Variants in TIPIN observed in about 807,000 individuals in gnomAD.
The protein encoded by TIPIN is TIMELESS interacting protein.
A neutral mutation model predicts 35.6 loss-of-function variants in TIPIN; 29 were observed. That is an observed-to-expected ratio of 0.82 (90% CI 0.61 to 1.11). TIPIN has a LOEUF of 1.11. TIPIN is among the 50% of genes most tolerant of loss of function. TIPIN has a pLI of 0.00. For missense variants in TIPIN, 296 were observed against 345.4 expected (o/e 0.86, Z 1.13); for synonymous variants, 102 against 121.5 (o/e 0.84, Z 1.06).
upstream of TIPIN, chr15:66,356,772 G>A (rs2093207040): frequency 1.0e-6 from 1 of 982,158 alleles, no homozygotes; most frequent in South Asian, 4.7e-5. Flanking sequence ...GGGCTGGGCG[G>A]AGCCTGCAAA....
At chr15:66,371,752 C>A (rs8034007) in intron 1 of TIPIN, among the ~76,000 whole-genome samples, 1 of 151,828 alleles carries the variant, frequency 6.6e-6, no homozygotes, top group Non-Finnish European at 1.5e-5. Flanking sequence ...CTCCTGACTT[C>A]GTGATCCGCC....
chr15:66,385,339 C>A (rs1464415524), intron 1 of TIPIN, among the ~76,000 whole-genome samples: 1 of 152,194 alleles, frequency 6.6e-6, no homozygotes, highest in Non-Finnish European at 1.5e-5. Context: ...TTGTTCTGTA[C>A]ACCTAATGTC....
chr15:66,353,858 A>C (rs1225871549), intron 1 of TIPIN, among the ~76,000 whole-genome samples: 1 of 151,916 alleles, frequency 6.6e-6, no homozygotes, highest in Admixed American at 6.6e-5. Context: ...TTAACTTCTA[A>C]GACATGCCGG....
intron 1 of TIPIN, 57 bp from the exon 2 acceptor site, chr15:66,353,012 A>G (rs1476913624): frequency 2.7e-6 from 4 of 1,508,742 alleles, no homozygotes; most frequent in East Asian, 2.3e-5. Flanking sequence ...CACTATATAG[A>G]CAAGTTCTAC....
intron 1 of TIPIN, among the ~76,000 whole-genome samples, chr15:66,355,515 A>T (rs1212506258): frequency 6.6e-6 from 1 of 151,584 alleles, no homozygotes; most frequent in East Asian, 2.0e-4. Context: ...TATGGGAGGC[A>T]GAGGCGGACG....
intron 1 of TIPIN, chr15:66,382,804 C>T (rs2093322941): frequency 2.4e-6 from 1 of 419,994 alleles, no homozygotes; most frequent in Non-Finnish European, 3.2e-6. Context: ...TATGGTTCAA[C>T]CAAATATATA....
At chr15:66,385,754 T>C (rs1367533416) in intron 1 of TIPIN, among the ~76,000 whole-genome samples, 2 of 152,142 alleles carry the variant, frequency 1.3e-5, no homozygotes, top group Non-Finnish European at 2.9e-5. Flanking sequence ...CCCAAAGTTC[T>C]GGAATTACAG....
Position 66,341,331 on chromosome 15 carries a change from A to G in TIPIN, c.501T>C (p.His167=), listed in dbSNP as rs2093085032. The G allele has an allele frequency of 1.9e-6, 3 of 1,613,532 alleles. No homozygotes were observed. Among genetic ancestry groups the G allele is most frequent in the Non-Finnish European group, 2.5e-6 (3 of 1,179,860 alleles). The change falls in exon 7 of 8, where the codon CAT becomes CAC. Residue 167 remains histidine, a synonymous_variant. Transcript: ENST00000261881. ...GATCTAATTCAGTAGAAGTGACATCATGTTCATTATTCTCCGCAACTTCAT... is the reference window on the plus strand; with the variant it reads ...GATCTAATTCAGTAGAAGTGACATCGTGTTCATTATTCTCCGCAACTTCAT... ...NNDEVAENNE[H]DVTSTELDPF... is the part of the protein sequence containing the mutation.
upstream of TIPIN, chr15:66,356,857 A>C (rs1281751521): frequency 3.0e-6 from 1 of 330,526 alleles, no homozygotes; most frequent in Non-Finnish European, 4.3e-6. Flanking sequence ...TGAATTCTTC[A>C]GAGGAACTCA....
At chr15:66,360,884 T>G (rs1354275004), upstream of TIPIN, among the ~76,000 whole-genome samples, 1 of 152,192 alleles carries the variant, frequency 6.6e-6, no homozygotes, top group Non-Finnish European at 1.5e-5. Context: ...GAGAATCGCT[T>G]GAACCCAGGA....
At chr15:66,356,138 C>A (rs558132186) in intron 1 of TIPIN, among the ~76,000 whole-genome samples, 1 of 152,070 alleles carries the variant, frequency 6.6e-6, no homozygotes, top group East Asian at 1.9e-4. Context: ...GTTTCCAATG[C>A]CCACCTCTTT....
intron 1 of TIPIN, among the ~76,000 whole-genome samples, chr15:66,354,553 C>G (rs1329478263): frequency 6.6e-6 from 1 of 152,176 alleles, no homozygotes; most frequent in Admixed American, 6.6e-5. Flanking sequence ...TAAAGCTGAT[C>G]ACCTCACTTG....
rs866892661 is a variant in TIPIN, at chr15:66,349,204, C to T, written c.412-81G>A. ...AGATAATTTGCTATTACTTTTCCCT[C>T]TCTACCAAAAGAGATTTCAAAATGA... On this transcript the variant is annotated intron_variant, in intron 5 of 7. Coordinates refer to ENST00000261881, the MANE Select transcript of TIPIN (RefSeq NM_017858.3). The T allele has an allele frequency of 7.5e-6, 12 of 1,598,568 alleles. No individual in the cohort carries two copies. The Middle Eastern group carries it at 8.9e-4, about 119-fold the overall frequency.
intron 6 of TIPIN, among the ~76,000 whole-genome samples, chr15:66,344,541 C>G (rs193236773): frequency 6.6e-6 from 1 of 151,880 alleles, no homozygotes; most frequent in African/African-American, 2.4e-5. Context: ...CAGCTGGTTC[C>G]TTTGAGTAGG....
At chr15:66,367,447 T>G (rs1595813953) in intron 1 of TIPIN, among the ~76,000 whole-genome samples, 1 of 151,316 alleles carries the variant, frequency 6.6e-6, no homozygotes. Flanking sequence ...CAGGCTGGAG[T>G]GCAGTGGCAT....
chr15:66,373,365 C>A (rs1000983584), intron 1 of TIPIN, among the ~76,000 whole-genome samples: 2 of 151,644 alleles, frequency 1.3e-5, no homozygotes, highest in Non-Finnish European at 2.9e-5. Context: ...TGGTGGCGGG[C>A]GCCTGTAGTC....
In TIPIN at chr15:66,371,218, A is replaced by AAG. The variant is rs1555410356; in HGVS notation, c.-9+15388_-9+15389insCT. 48 of 984,948 alleles carry AAG rather than the reference A, an allele frequency of 4.9e-5. No individual in the cohort carries two copies. The African/African-American group carries it at 8.2e-4, about 17-fold the overall frequency. 61.0% of individuals were successfully genotyped at this position (984,948 alleles called of 1,614,324 possible). A position where few individuals can be genotyped will look rare whatever the true frequency, so the allele number is the denominator to read the frequency against. On this transcript the variant is annotated intron_variant, in intron 1 of 7. Transcript: ENST00000562124. The stretch of plus-strand genomic sequence containing the variant: ...AGAGGGAAACTCTCAAAAAAAAAAA[A>AAG]AAAGTGTAAGTGTATCAAGCTTTCT...
At position 66,337,067 on chromosome 15, in the gene TIPIN, TCATTA is replaced by T. The variant is rs756153537; in HGVS notation, c.792_796del (p.Cys264Ter). The T allele has an allele frequency of 1.2e-6, 2 of 1,614,042 alleles. No homozygotes were observed. The highest frequency in any genetic ancestry group is 3.3e-5 in the Admixed American group (2 of 59,986). On this transcript the variant is annotated stop_gained and frameshift_variant, in exon 8 of 8. Transcript: ENST00000261881. LOFTEE classifies it high-confidence loss of function. ...TTCATTTAAAGTATTGGCAATAGCA[TCATTA>T]CATGGATTGTCCAGAATGTCTTCGT...
intron 6 of TIPIN, among the ~76,000 whole-genome samples, chr15:66,342,186 CAAAAAAAAAAAAA>C (rs55711983): frequency 3.9e-4 from 42 of 108,516 alleles, no homozygotes; most frequent in African/African-American, 1.6e-3. Context: ...AAGACTGTCT[CAAAAAAAAAAAAA>C]AAAAAAAAAG....
Sources: allele counts gnomAD v4.1 joint callset (sites outside exome capture counted in the v4.1 genomes callset), GRCh38; gene constraint gnomAD v4.1.1; transcripts MANE v1.5; gene names NCBI Gene and HGNC (gene_info 2026-07-23, HGNC 2026-07-21).